Variants in GTF2F2 observed in about 807,000 individuals in gnomAD.
GTF2F2 encodes general transcription factor IIF subunit 2.
Under a neutral mutation model 42.2 loss-of-function variants are expected in GTF2F2, and 23 were observed. The observed-to-expected ratio is 0.55, with a 90% CI of 0.39 to 0.77. The LOEUF (loss-of-function observed/expected upper bound fraction) is 0.77, where lower values mean the gene tolerates loss of function less well. Ranked by LOEUF, GTF2F2 falls within the 30% of genes least tolerant of loss-of-function variation. The pLI is 0.00. For synonymous variants in GTF2F2, 105 were observed against 100.8 expected, an observed-to-expected ratio of 1.04 and a Z score of -0.25; for missense variants, 261 against 287.2, an observed-to-expected ratio of 0.91 and a Z score of 0.66.
intron 5 of GTF2F2, among the ~76,000 whole-genome samples, chr13:45,222,724 G>A (rs1183858011): frequency 6.6e-6 from 1 of 152,140 alleles, no homozygotes. Flanking sequence ...GGAATGAAAA[G>A]ATGAATAAGA....
intron 4 of GTF2F2, among the ~76,000 whole-genome samples, chr13:45,185,028 G>A (rs561335730): frequency 6.6e-6 from 1 of 152,032 alleles, no homozygotes; most frequent in Non-Finnish European, 1.5e-5. Context: ...TTGCCATGTT[G>A]CCTAGGCTGG....
intron 7 of GTF2F2, among the ~76,000 whole-genome samples, chr13:45,277,521 C>G (rs993421179): frequency 1.3e-5 from 2 of 152,190 alleles, no homozygotes; most frequent in African/African-American, 4.8e-5. Context: ...CTCCCCAGGC[C>G]TCACCTCCAA....
chr13:45,228,828 G>A (rs980063938), intron 5 of GTF2F2, among the ~76,000 whole-genome samples: 4 of 151,748 alleles, frequency 2.6e-5, no homozygotes, highest in Admixed American at 6.6e-5. Context: ...GCGCCACCAC[G>A]CCCAGCTAAT....
At chr13:45,186,067 TG>T (rs1169467746) in intron 4 of GTF2F2, among the ~76,000 whole-genome samples, 4 of 151,966 alleles carry the variant, frequency 2.6e-5, no homozygotes, top group African/African-American at 7.2e-5. Flanking sequence ...CTCTGCCTCC[TG>T]GGTTCAAACG....
chr13:45,194,103 T>G, intron 4 of GTF2F2: 2 of 1,614,108 alleles, frequency 1.2e-6, no homozygotes, highest in Middle Eastern at 3.3e-4. Flanking sequence ...AGAAGATTCT[T>G]AATCCTTGTG....
At position 45,136,819 on chromosome 13, in the gene GTF2F2, C is replaced by T. The variant is rs771231031; in HGVS notation, c.140+13C>T. 6.9e-7 allele frequency: 1 copy of T among 1,439,940 alleles called. No homozygotes were observed. The highest frequency in any genetic ancestry group is 9.8e-7 in the Non-Finnish European group (1 of 1,023,270). 89.2% of individuals were successfully genotyped at this position (1,439,940 alleles called of 1,614,324 possible). ...TGCGGATTGCCAAGTAAGTTATTTACATATTCTTGACATTTTAAAAAGCTA... is the reference window on the plus strand; with the variant it reads ...TGCGGATTGCCAAGTAAGTTATTTATATATTCTTGACATTTTAAAAAGCTA... On this transcript the variant is annotated intron_variant, in intron 2 of 7. Transcript: ENST00000340473.
chr13:45,131,675 G>A (rs770711144), intron 1 of GTF2F2, among the ~76,000 whole-genome samples: 6 of 152,076 alleles, frequency 3.9e-5, no homozygotes, highest in Non-Finnish European at 8.8e-5. Flanking sequence ...GGAGTCTGAG[G>A]TGGGATGATC....
At chr13:45,257,594 T>G (rs568905375) in intron 6 of GTF2F2, among the ~76,000 whole-genome samples, 3 of 152,168 alleles carry the variant, frequency 2.0e-5, no homozygotes, top group Non-Finnish European at 4.4e-5. Flanking sequence ...CCCCATTGTT[T>G]GAAGTAGTGA....
At chr13:45,133,280 G>C (rs564353310) in intron 1 of GTF2F2, among the ~76,000 whole-genome samples, 18 of 152,144 alleles carry the variant, frequency 1.2e-4, no homozygotes, top group African/African-American at 3.9e-4. Context: ...GAATTGTTGG[G>C]AGTCAAAGTG....
At chr13:45,255,088 C>T (rs1876044985) in intron 6 of GTF2F2, among the ~76,000 whole-genome samples, 1 of 149,436 alleles carries the variant, frequency 6.7e-6, no homozygotes, top group Non-Finnish European at 1.5e-5. Context: ...ATCGCCTGAA[C>T]CCAGGAGGCA....
At chr13:45,240,993 A>T (rs998026351) in intron 5 of GTF2F2, among the ~76,000 whole-genome samples, 6 of 149,284 alleles carry the variant, frequency 4.0e-5, no homozygotes, top group Non-Finnish European at 8.9e-5. Flanking sequence ...AAAAAAAAAA[A>T]TTAGAAAAAA....
chr13:45,185,928 G>A (rs1175208101), intron 4 of GTF2F2, among the ~76,000 whole-genome samples: 3 of 151,338 alleles, frequency 2.0e-5, no homozygotes, highest in Non-Finnish European at 4.4e-5. Flanking sequence ...AATCAAAATA[G>A]TTTTGTTAGG....
chr13:45,275,476 T>G, intron 7 of GTF2F2, among the ~76,000 whole-genome samples: 1 of 104,970 alleles, frequency 9.5e-6, no homozygotes, highest in Admixed American at 1.4e-4. Context: ...CGACAGGCCC[T>G]AGTGTGTGAT....
chr13:45,180,243 G>C lies in GTF2F2; in HGVS notation c.305-27181G>C, dbSNP rs537576055. Among the ~76,000 whole-genome samples the C allele has an allele frequency of 7.9e-5, 12 of 151,986 alleles. 1 individual carries two copies. Among genetic ancestry groups the C allele is most frequent in the African/African-American group, 2.9e-4 (12 of 41,462 alleles). On this transcript the variant is annotated intron_variant, in intron 4 of 7. Coordinates refer to ENST00000340473, the MANE Select transcript of GTF2F2 (RefSeq NM_004128.3). ...CTTTTGATCATGTCATCTTATTCTT[G>C]AATTATTTATTTTTATTCTGTATTG...
At chr13:45,268,596 T>G (rs1160682066) in intron 7 of GTF2F2, among the ~76,000 whole-genome samples, 2 of 152,100 alleles carry the variant, frequency 1.3e-5, no homozygotes, top group East Asian at 3.8e-4. Flanking sequence ...TAAGCTAGAT[T>G]AAAAATTTTT....
At chr13:45,227,791 C>T (rs993509423) in intron 5 of GTF2F2, among the ~76,000 whole-genome samples, 8 of 152,098 alleles carry the variant, frequency 5.3e-5, no homozygotes, top group African/African-American at 1.9e-4. Flanking sequence ...TTTTAGGAGG[C>T]TGTGGGAATC....
intron 5 of GTF2F2, among the ~76,000 whole-genome samples, chr13:45,227,330 G>A (rs1158251995): frequency 6.6e-6 from 1 of 152,136 alleles, no homozygotes; most frequent in African/African-American, 2.4e-5. Flanking sequence ...ACAGTTTCCA[G>A]GTTATTGATC....
intron 5 of GTF2F2, among the ~76,000 whole-genome samples, chr13:45,208,908 A>G (rs1021988188): frequency 4.6e-5 from 7 of 152,226 alleles, no homozygotes; most frequent in Admixed American, 1.3e-4. Flanking sequence ...AACTTATTGT[A>G]TAGTAGTAAA....
At chr13:45,225,938 T>G (rs936180997) in intron 5 of GTF2F2, among the ~76,000 whole-genome samples, 2 of 152,182 alleles carry the variant, frequency 1.3e-5, no homozygotes, top group African/African-American at 4.8e-5. Flanking sequence ...ATAATCAATC[T>G]TATTGTAATT....
Sources: gnomAD v4.1 joint callset for allele counts (sites outside exome capture counted in the v4.1 genomes callset) on GRCh38, gnomAD v4.1.1 for gene constraint, MANE v1.5 for transcripts, NCBI Gene and HGNC (gene_info 2026-07-23, HGNC 2026-07-21) for gene names.